The following RANBP10 variants were observed in gnomAD, a reference collection of about 807,000 sequenced individuals.
RANBP10 encodes the protein ran-binding protein 10.
Under a neutral mutation model 72.8 loss-of-function variants are expected in RANBP10, and 24 were observed. That is an observed-to-expected ratio of 0.33 (90% CI 0.24 to 0.46). The LOEUF is 0.46. Among genes scored for constraint, RANBP10 ranks in the 20% least tolerant of loss-of-function variants. RANBP10 has a pLI of 1.00. For missense variants in RANBP10, 679 were observed against 817.5 expected, an observed-to-expected ratio of 0.83 and a Z score of 2.07; for synonymous variants, 310 against 322.3, an observed-to-expected ratio of 0.96 and a Z score of 0.41.
chr16:67,801,142 A>T (rs1173887844), intron 2 of RANBP10, among the ~76,000 whole-genome samples: 2 of 152,204 alleles, frequency 1.3e-5, no homozygotes, highest in African/African-American at 2.4e-5. Context: ...AATGACACTA[A>T]CAACTGGGTT....
intron 4 of RANBP10, among the ~76,000 whole-genome samples, chr16:67,742,836 T>C (rs1195583724): frequency 1.3e-5 from 2 of 152,098 alleles, no homozygotes; most frequent in Non-Finnish European, 2.9e-5. Context: ...AGCCAAGAAA[T>C]AGCGGAATCA....
intron 4 of RANBP10, among the ~76,000 whole-genome samples, chr16:67,743,494 C>T (rs1344826227): frequency 6.6e-6 from 1 of 152,168 alleles, no homozygotes; most frequent in Non-Finnish European, 1.5e-5. Context: ...TCCTCTCAAG[C>T]CCTAATCCTA....
chr16:67,744,626 A>G (rs1052085000), intron 3 of RANBP10, among the ~76,000 whole-genome samples, 171 bp from the exon 4 acceptor site: 14 of 152,220 alleles, frequency 9.2e-5, no homozygotes, highest in African/African-American at 3.4e-4. Flanking sequence ...TGAGTCCAGC[A>G]GGTGACTGCC....
Position 67,802,699 on chromosome 16 carries a change from C to G in RANBP10, c.347+2729G>C, listed in dbSNP as rs1217025632. Among the ~76,000 whole-genome samples, 3 of 152,038 alleles carry G rather than the reference C, an allele frequency of 2.0e-5. No individual in the cohort carries two copies. In the South Asian group the frequency reaches 6.2e-4, roughly 32 times the overall value. The stretch of plus-strand genomic sequence containing the variant: ...AGATCAGCTCAACAGCCATGTTTAC[C>G]ACATGTAAAATGCTGGGAATAGATG... On this transcript the variant is annotated intron_variant, in intron 2 of 13. Coordinates refer to ENST00000317506, the MANE Select transcript of RANBP10 (RefSeq NM_020850.3).
chr16:67,788,640 T>G (rs940947578), intron 2 of RANBP10, among the ~76,000 whole-genome samples: 1 of 151,812 alleles, frequency 6.6e-6, no homozygotes, highest in Non-Finnish European at 1.5e-5. Flanking sequence ...TCTGCCTGCC[T>G]TGGCCTCCCA....
intron 3 of RANBP10, among the ~76,000 whole-genome samples, chr16:67,748,756 G>A (rs1315908044): frequency 2.0e-5 from 3 of 152,088 alleles, no homozygotes; most frequent in Non-Finnish European, 4.4e-5. Context: ...TGGAGCTGCA[G>A]AAGGGTTCGA....
intron 3 of RANBP10, 24 bp downstream of exon 3, chr16:67,772,010 A>G: frequency 6.2e-7 from 1 of 1,605,912 alleles, no homozygotes; most frequent in Non-Finnish European, 8.5e-7. Flanking sequence ...AGCAGAACAA[A>G]TGTTCTCTTA....
At chr16:67,796,687 A>G (rs2055140709) in intron 2 of RANBP10, among the ~76,000 whole-genome samples, 1 of 152,148 alleles carries the variant, frequency 6.6e-6, no homozygotes. Context: ...GACCTAAACT[A>G]AACTCCCCTG....
Position 67,726,687 on chromosome 16 carries a change from G to A in RANBP10, c.1733-129C>T, listed in dbSNP as rs945740131. 20 of 1,164,232 alleles carry A rather than the reference G, an allele frequency of 1.7e-5. No homozygotes were observed. In the African/African-American group the frequency reaches 1.9e-4, roughly 11 times the overall value. 72.1% of individuals were successfully genotyped at this position (1,164,232 alleles called of 1,614,324 possible). A position where few individuals can be genotyped will look rare whatever the true frequency, so the allele number is the denominator to read the frequency against. On this transcript the variant is annotated intron_variant, in intron 13 of 13. Transcript: ENST00000317506. ...GGAACAGAGTGTTCAGTACCTCTGT[G>A]TAAGTGTGTCCCAGCCACCAGGCCA... is the stretch of plus-strand genomic sequence containing the variant.
At chr16:67,777,759 T>C (rs1487492779) in intron 2 of RANBP10, among the ~76,000 whole-genome samples, 2 of 151,924 alleles carry the variant, frequency 1.3e-5, no homozygotes, top group Non-Finnish European at 2.9e-5. Flanking sequence ...TCCACAGAAA[T>C]AGAAAAATCC....
intron 13 of RANBP10, 119 bp from the exon 14 acceptor site, chr16:67,726,677 G>A: frequency 8.2e-7 from 1 of 1,223,192 alleles, no homozygotes; most frequent in Non-Finnish European, 1.1e-6. Flanking sequence ...AGAGTGTTCA[G>A]TACCTCTGTG....
At chr16:67,796,869 A>G (rs1245127540) in intron 2 of RANBP10, among the ~76,000 whole-genome samples, 1 of 152,184 alleles carries the variant, frequency 6.6e-6, no homozygotes, top group Non-Finnish European at 1.5e-5. Flanking sequence ...TCACAACACC[A>G]ACGATCCTAG....
At chr16:67,777,900 A>T (rs1037474308) in intron 2 of RANBP10, among the ~76,000 whole-genome samples, 1 of 152,216 alleles carries the variant, frequency 6.6e-6, no homozygotes, top group Non-Finnish European at 1.5e-5. Context: ...TCGCATAAAG[A>T]CAGACCTACA....
intron 3 of RANBP10, among the ~76,000 whole-genome samples, chr16:67,768,476 G>A (rs976407859): frequency 1.4e-4 from 22 of 152,188 alleles, no homozygotes; most frequent in African/African-American, 3.1e-4. Context: ...AGCCGAGATC[G>A]TGCCAGTTCA....
intron 3 of RANBP10, among the ~76,000 whole-genome samples, chr16:67,760,475 G>C (rs1270004854): frequency 6.6e-6 from 1 of 152,190 alleles, no homozygotes; most frequent in African/African-American, 2.4e-5. Flanking sequence ...AGCTCACTCA[G>C]AGCAAGCCTG....
chr16:67,746,305 C>T (rs985288376), intron 3 of RANBP10, among the ~76,000 whole-genome samples: 1 of 150,652 alleles, frequency 6.6e-6, no homozygotes, highest in East Asian at 2.0e-4. Context: ...CACGGTGAAA[C>T]CCCATCTCTA....
chr16:67,766,987 A>G (rs1422980760), intron 3 of RANBP10, among the ~76,000 whole-genome samples: 1 of 152,230 alleles, frequency 6.6e-6, no homozygotes. Context: ...GTTGGCAGGC[A>G]GAGTGAAACA....
At chr16:67,762,283 C>T (rs895254748) in intron 3 of RANBP10, among the ~76,000 whole-genome samples, 4 of 152,122 alleles carry the variant, frequency 2.6e-5, no homozygotes, top group African/African-American at 9.7e-5. Context: ...GTAAGAATAA[C>T]TAATATTTAT....
chr16:67,806,294 GCCGAT>G lies in RANBP10; in HGVS notation c.235+3_235+7del. 1 of 1,605,656 alleles carries G rather than the reference GCCGAT, an allele frequency of 6.2e-7. No homozygotes were observed. The highest frequency in any genetic ancestry group is 8.5e-7 in the Non-Finnish European group (1 of 1,175,514). On this transcript the variant is annotated splice_donor_5th_base_variant and intron_variant, in intron 1 of 13. Transcript: ENST00000317506. ...GCCTTAATTCCCCCCAGCCTGACGG[GCCGAT>G]ACCTTTGTAGTGGACGCGGAGGTTG...
Sources: gnomAD v4.1 joint callset for allele counts (sites outside exome capture counted in the v4.1 genomes callset) on GRCh38, gnomAD v4.1.1 for gene constraint, MANE v1.5 for transcripts, NCBI Gene and HGNC (gene_info 2026-07-23, HGNC 2026-07-21) for gene names.